LINGO1: variants seen among roughly 807,000 people sequenced by gnomAD.
The protein encoded by LINGO1 is leucine rich repeat and Ig domain containing 1, also known as leucine-rich repeat and immunoglobulin-like domain-containing nogo receptor-interacting protein 1.
In LINGO1, 11 loss-of-function variants were observed where a neutral mutation model predicts 37.3. That is an observed-to-expected ratio of 0.29 (90% confidence interval 0.19 to 0.49). The LOEUF is 0.49. Ranked by LOEUF, LINGO1 falls within the 20% of genes least tolerant of loss-of-function variation. The pLI, the probability that LINGO1 is intolerant of heterozygous loss-of-function variation, is 0.99. For missense variants in LINGO1, 585 were observed against 878.2 expected (o/e 0.67, Z 4.22); for synonymous variants, 387 against 403.0 (o/e 0.96, Z 0.48).
chr15:77,710,436 GA>G (rs1455992013), intron 2 of LINGO1, among the ~76,000 whole-genome samples: 1 of 152,228 alleles, frequency 6.6e-6, no homozygotes, highest in African/African-American at 2.4e-5. Context: ...TCCTAATTAA[GA>G]ACCGCTTTGA....
chr15:77,791,386 C>T (rs1230045894), upstream of LINGO1, among the ~76,000 whole-genome samples: 2 of 13,880 alleles, frequency 1.4e-4, no homozygotes. Context: ...CCGAGGGAGG[C>T]GGGGGGTCAA....
At chr15:77,758,689 CCTCT>C (rs903960681) in intron 1 of LINGO1, among the ~76,000 whole-genome samples, 2 of 152,140 alleles carry the variant, frequency 1.3e-5, no homozygotes, top group Admixed American at 1.3e-4. Context: ...AGCTGCTTAC[CCTCT>C]CTGTGCCTCA....
At chr15:77,657,543 C>T (rs1343116589) in intron 3 of LINGO1, among the ~76,000 whole-genome samples, 1 of 152,200 alleles carries the variant, frequency 6.6e-6, no homozygotes, top group Admixed American at 6.5e-5. Flanking sequence ...CAAGGAACCC[C>T]AAAGGGGATA....
Position 77,753,754 on chromosome 15 carries a change from T to C in LINGO1, c.-256-18701A>G, listed in dbSNP as rs144430701. Among the ~76,000 whole-genome samples the C allele has an allele frequency of 2.6e-5, 4 of 152,314 alleles. No individual in the cohort carries two copies. The East Asian group carries it at 7.7e-4, about 29-fold the overall frequency. On this transcript the variant is annotated intron_variant, in intron 1 of 3. Transcript: ENST00000561686. ...GGGCTGGAGGCACACACACACCAAG[T>C]GTGCACACACAAACACACACACGAT... is the stretch of plus-strand genomic sequence containing the variant.
intron 1 of LINGO1, among the ~76,000 whole-genome samples, chr15:77,625,483 T>C (rs1300000040): frequency 6.6e-6 from 1 of 152,168 alleles, no homozygotes; most frequent in East Asian, 1.9e-4. Flanking sequence ...ACCCCAATGG[T>C]TTGGCTCCAG....
Position 77,632,247 on chromosome 15 carries a change from G to A in LINGO1, c.6+63C>T. On this transcript the variant is annotated intron_variant, in intron 1 of 1. Coordinates refer to ENST00000355300, the MANE Select transcript of LINGO1 (RefSeq NM_032808.7). This position sits in a 1 kb window ranked among gnomAD's most constrained non-coding sequence, Gnocchi z 6.0. ...GAGGGCGCAGCCAGGGCCGATGGCG[G>A]CCCCCAGGGGCACTCGCCGCGGGGC... The A allele has an allele frequency of 7.6e-7, 1 of 1,318,142 alleles. No homozygotes were observed. The allele number at this position is 1,318,142 out of a possible 1,614,324, so 81.7% of individuals were successfully genotyped here. A position where few individuals can be genotyped will look rare whatever the true frequency, so the allele number is the denominator to read the frequency against.
At chr15:77,699,160 A>G (rs550297048), upstream of LINGO1, among the ~76,000 whole-genome samples, 265 of 152,028 alleles carry the variant, frequency 1.7e-3, no homozygotes, top group Admixed American at 2.8e-3. Context: ...CAACATTAGC[A>G]TTCGCTGCTG....
At chr15:77,749,615 A>G (rs887960792) in intron 1 of LINGO1, among the ~76,000 whole-genome samples, 17 of 152,210 alleles carry the variant, frequency 1.1e-4, no homozygotes, top group Admixed American at 6.5e-4. Context: ...GGAATGTGTC[A>G]TCCCCTTTGC....
intron 3 of LINGO1, among the ~76,000 whole-genome samples, chr15:77,646,915 C>G (rs951907114): frequency 6.6e-6 from 1 of 152,210 alleles, no homozygotes; most frequent in Admixed American, 6.5e-5. Flanking sequence ...ATTTCATACT[C>G]TCAATGGCCC....
intron 2 of LINGO1, among the ~76,000 whole-genome samples, chr15:77,682,776 T>G (rs1384306438): frequency 6.6e-6 from 1 of 151,962 alleles, no homozygotes; most frequent in Non-Finnish European, 1.5e-5. Context: ...GAACGGCCTT[T>G]CCCAGTCACA....
upstream of LINGO1, among the ~76,000 whole-genome samples, chr15:77,636,113 T>A (rs1305220599): frequency 1.3e-5 from 2 of 152,262 alleles, no homozygotes; most frequent in African/African-American, 4.8e-5. Context: ...GCTGGTGACT[T>A]GCTCAAGTTC....
intron 2 of LINGO1, among the ~76,000 whole-genome samples, chr15:77,708,430 G>T (rs1210856631): frequency 1.3e-5 from 2 of 152,210 alleles, no homozygotes; most frequent in Non-Finnish European, 2.9e-5. Flanking sequence ...CAGGGTGGAA[G>T]TCTGGGCCCA....
At chr15:77,685,112 G>T (rs1284581502) in intron 2 of LINGO1, among the ~76,000 whole-genome samples, 3 of 145,338 alleles carry the variant, frequency 2.1e-5, no homozygotes, top group Admixed American at 2.1e-4. Flanking sequence ...GTGGGGGTAA[G>T]AGTCATTGGT....
At chr15:77,681,137 C>T (rs2075406426) in intron 2 of LINGO1, among the ~76,000 whole-genome samples, 1 of 152,092 alleles carries the variant, frequency 6.6e-6, no homozygotes, top group African/African-American at 2.4e-5. Context: ...CCAGCAGTCT[C>T]TGCTCCATTC....
chr15:77,736,934 C>T lies in LINGO1; in HGVS notation c.-256-1881G>A, dbSNP rs117458281. Among the ~76,000 whole-genome samples the T allele has an allele frequency of 1.3e-3, 198 of 152,294 alleles. 2 individuals are homozygous for T. In the East Asian group the frequency reaches 0.031, roughly 24 times the overall value. On this transcript the variant is annotated intron_variant, in intron 1 of 3. Coordinates refer to the LINGO1 transcript ENST00000561686. ...GTGAAGTTCCAGCATGTTTTCCTAACGGACTGTCACAGCTGAGCTTTCATG... is the reference window on the plus strand; with the variant it reads ...GTGAAGTTCCAGCATGTTTTCCTAATGGACTGTCACAGCTGAGCTTTCATG...
At chr15:77,791,285 T>G (rs1363236036), upstream of LINGO1, among the ~76,000 whole-genome samples, 2 of 151,952 alleles carry the variant, frequency 1.3e-5, no homozygotes, top group Non-Finnish European at 2.9e-5. Context: ...ATCATGACAT[T>G]GCTGAGTTGG....
At chr15:77,726,675 A>G (rs1030931782) in intron 2 of LINGO1, among the ~76,000 whole-genome samples, 2 of 152,244 alleles carry the variant, frequency 1.3e-5, no homozygotes, top group Non-Finnish European at 2.9e-5. Flanking sequence ...GCTTCATGAC[A>G]TTGGATTTGG....
chr15:77,625,451 GGTCA>G (rs2074059407), intron 1 of LINGO1, among the ~76,000 whole-genome samples: 1 of 152,122 alleles, frequency 6.6e-6, no homozygotes, highest in African/African-American at 2.4e-5. Context: ...ACTTGCTCGG[GGTCA>G]GTGTTAGCAT....
intron 2 of LINGO1, among the ~76,000 whole-genome samples, chr15:77,794,348 ATACG>A (rs2076844728): frequency 8.2e-6 from 1 of 121,540 alleles, no homozygotes; most frequent in South Asian, 2.4e-4. Context: ...ACATACATAT[ATACG>A]TATATATGTG....
Sources: gnomAD v4.1 joint callset for allele counts (sites outside exome capture counted in the v4.1 genomes callset) on GRCh38, gnomAD v4.1.1 for gene constraint, Gnocchi (gnomAD v3.1) non-coding constraint, MANE v1.5 for transcripts, NCBI Gene and HGNC (gene_info 2026-07-23, HGNC 2026-07-21) for gene names.